THADA: variants seen among roughly 807,000 people sequenced by gnomAD.
The protein encoded by THADA is THADA armadillo repeat containing.
In THADA, 213 loss-of-function variants were observed where a neutral mutation model predicts 219.8. The ratio of observed to expected loss-of-function variants is 0.97; its 90% CI spans 0.87 to 1.09. The LOEUF (loss-of-function observed/expected upper bound fraction) is 1.09, where lower values mean the gene tolerates loss of function less well. Ranked by LOEUF, THADA falls within the 50% of genes least tolerant of loss-of-function variation. THADA has a pLI of 0.00. For missense variants in THADA, 2,956 were observed against 2,311.3 expected (o/e 1.28, Z -5.72); for synonymous variants, 1,018 against 828.9 (o/e 1.23, Z -3.92).
intron 26 of THADA, among the ~76,000 whole-genome samples, chr2:43,474,987 G>A (rs1213127844): frequency 6.6e-6 from 1 of 152,062 alleles, no homozygotes; most frequent in Non-Finnish European, 1.5e-5. Flanking sequence ...AGAGTTTAGA[G>A]GACAGAAAAG....
intron 17 of THADA, 24 bp downstream of exon 17, chr2:43,556,321 A>T (rs377174548): frequency 6.2e-7 from 1 of 1,610,106 alleles, no homozygotes; most frequent in Non-Finnish European, 8.5e-7. Context: ...ATTCGTTTTG[A>T]TAAGAGCAAA....
At chr2:43,492,312 CAA>C (rs770408031) in intron 25 of THADA, 30 of 92,132 alleles carry the variant, frequency 3.3e-4, no homozygotes, top group Non-Finnish European at 2.7e-4. Flanking sequence ...GACTCTGTCT[CAA>C]AAAAAAAAAA....
At chr2:43,341,566 A>G (rs1394971538) in intron 30 of THADA, among the ~76,000 whole-genome samples, 1 of 152,072 alleles carries the variant, frequency 6.6e-6, no homozygotes, top group Non-Finnish European at 1.5e-5. Context: ...ATCCAACAAG[A>G]GGTAATGGAC....
chr2:43,586,903 G>T lies in THADA; in HGVS notation c.402C>A (p.Tyr134Ter). 2 of 1,613,906 alleles carry T rather than the reference G, an allele frequency of 1.2e-6. No homozygotes were observed. The highest frequency in any genetic ancestry group is 1.7e-6 in the Non-Finnish European group (2 of 1,179,850). ...EELNTTDLYS[Y>*]RKVTDNISSC... Reference sequence around the variant, plus strand: ...AAGAAATATTGTCAGTAACTTTCCTGTAAGAGTATAAGTCAGTAGTATTCA... The same window carrying T: ...AAGAAATATTGTCAGTAACTTTCCTTTAAGAGTATAAGTCAGTAGTATTCA... Residue 134 changes from tyrosine (Y) to a stop codon, truncating the protein, a stop_gained, in exon 5 of 38, where the codon TAC becomes TAA. Transcript: ENST00000405975. LOFTEE classifies it high-confidence loss of function.
intron 29 of THADA, among the ~76,000 whole-genome samples, chr2:43,349,366 G>A (rs749527044): frequency 6.6e-6 from 1 of 152,116 alleles, no homozygotes; most frequent in Non-Finnish European, 1.5e-5. Flanking sequence ...CAAAGCATGG[G>A]GTCCATTTTG....
At chr2:43,571,627 C>A in intron 13 of THADA, 80 bp downstream of exon 13, 1 of 1,470,952 alleles carries the variant, frequency 6.8e-7, no homozygotes, top group Non-Finnish European at 9.2e-7. Flanking sequence ...CCACACGCTC[C>A]CAAAATCTGG....
intron 20 of THADA, 92 bp from the exon 21 acceptor site, chr2:43,541,408 A>T: frequency 6.9e-7 from 1 of 1,459,418 alleles, no homozygotes. Flanking sequence ...CCCAAGAATA[A>T]TCTGCTTGAA....
At chr2:43,310,378 G>A (rs1168394235) in intron 31 of THADA, among the ~76,000 whole-genome samples, 2 of 152,014 alleles carry the variant, frequency 1.3e-5, no homozygotes, top group Non-Finnish European at 2.9e-5. Flanking sequence ...GTGTGCTCCT[G>A]GCATAAGGAT....
intron 36 of THADA, among the ~76,000 whole-genome samples, chr2:43,248,573 G>A (rs1669501948): frequency 6.6e-6 from 1 of 152,150 alleles, no homozygotes; most frequent in Non-Finnish European, 1.5e-5. Context: ...GATTGTAGGA[G>A]TTACGATGGA....
chr2:43,433,080 T>C lies in THADA; in HGVS notation c.3837-2778A>G, dbSNP rs1206441444. Among the ~76,000 whole-genome samples, 4 of 152,174 alleles carry C rather than the reference T, an allele frequency of 2.6e-5. No homozygotes were observed. In the East Asian group the frequency reaches 7.7e-4, roughly 29 times the overall value. ...ATCGTATATCTTCCTCTAGAAGCTT[T>C]ATGGTTTTAGCTTTTACATTGAGGT... On this transcript the variant is annotated intron_variant, in intron 26 of 37. Coordinates refer to ENST00000405975, the MANE Select transcript of THADA (RefSeq NM_022065.5).
intron 29 of THADA, among the ~76,000 whole-genome samples, chr2:43,361,796 C>G (rs1047060308): frequency 4.6e-5 from 7 of 152,120 alleles, no homozygotes; most frequent in Admixed American, 3.9e-4. Context: ...TCAAGGTTGC[C>G]CTTTTTATCA....
intron 26 of THADA, among the ~76,000 whole-genome samples, chr2:43,438,028 G>A (rs1287146295): frequency 2.0e-5 from 3 of 152,084 alleles, no homozygotes; most frequent in Non-Finnish European, 4.4e-5. Context: ...ATGGCCAGGC[G>A]CGGTGGCTCA....
At chr2:43,248,884 T>C (rs1669535137) in intron 36 of THADA, among the ~76,000 whole-genome samples, 1 of 152,166 alleles carries the variant, frequency 6.6e-6, no homozygotes, top group Non-Finnish European at 1.5e-5. Flanking sequence ...TCTCTGGAAC[T>C]CTGAGGCGCC....
At chr2:43,538,108 T>A (rs1293620361) in intron 21 of THADA, among the ~76,000 whole-genome samples, 1 of 152,150 alleles carries the variant, frequency 6.6e-6, no homozygotes, top group Non-Finnish European at 1.5e-5. Flanking sequence ...GAAATACATA[T>A]AAACTTAAGT....
At chr2:43,416,816 T>A (rs2104776555) in intron 28 of THADA, among the ~76,000 whole-genome samples, 1 of 152,322 alleles carries the variant, frequency 6.6e-6, no homozygotes, top group East Asian at 1.9e-4. Flanking sequence ...GATGATCAAC[T>A]AACAACCAGA....
At chr2:43,241,531 C>G (rs1179871117) in intron 36 of THADA, among the ~76,000 whole-genome samples, 3 of 148,662 alleles carry the variant, frequency 2.0e-5, no homozygotes, top group African/African-American at 7.4e-5. Flanking sequence ...CCTGTCTGGA[C>G]TTACCAGCAG....
At chr2:43,452,573 C>T (rs1680732825) in intron 26 of THADA, among the ~76,000 whole-genome samples, 1 of 152,048 alleles carries the variant, frequency 6.6e-6, no homozygotes, top group South Asian at 2.1e-4. Context: ...CACTGTGACC[C>T]AGACAGGCCA....
intron 3 of THADA, 138 bp downstream of exon 3, chr2:43,591,814 G>GAA: frequency 3.6e-5 from 15 of 420,950 alleles, no homozygotes; most frequent in East Asian, 7.6e-5. Flanking sequence ...ACAATAAACA[G>GAA]AAAAAAAAAA....
At chr2:43,485,353 G>A (rs200507535) in intron 25 of THADA, 28 bp from the exon 26 acceptor site, 5 of 1,521,640 alleles carry the variant, frequency 3.3e-6, no homozygotes, top group Admixed American at 3.4e-5. Flanking sequence ...ACACAATAAG[G>A]CTTAAATATT....
Sources: allele counts gnomAD v4.1 joint callset (sites outside exome capture counted in the v4.1 genomes callset), GRCh38; gene constraint gnomAD v4.1.1; transcripts MANE v1.5; gene names NCBI Gene and HGNC (gene_info 2026-07-23, HGNC 2026-07-21).